The following FAM107B variants were observed in gnomAD, a reference collection of about 807,000 sequenced individuals.
FAM107B encodes protein FAM107B.
In FAM107B, 21 loss-of-function variants were observed where a neutral mutation model predicts 31.5. The ratio of observed to expected loss-of-function variants is 0.67; its 90% CI spans 0.47 to 0.96. The LOEUF is 0.96. Among genes scored for constraint, FAM107B ranks in the 40% least tolerant of loss-of-function variants. FAM107B has a pLI of 0.00. For missense variants in FAM107B, 452 were observed against 377.1 expected, an observed-to-expected ratio of 1.20 and a Z score of -1.64; for synonymous variants, 157 against 141.5, an observed-to-expected ratio of 1.11 and a Z score of -0.78.
chr10:14,654,199 G>T (rs182436001), intron 2 of FAM107B, among the ~76,000 whole-genome samples: 5 of 150,860 alleles, frequency 3.3e-5, no homozygotes, highest in Admixed American at 6.6e-5. Flanking sequence ...ATTTTTACAT[G>T]AAATTTTCCA....
At chr10:14,554,273 G>C (rs112331371) in intron 2 of FAM107B, 9,682 of 384,204 alleles carry the variant, frequency 0.025, 181 homozygotes, top group East Asian at 0.087. Context: ...AGCACTGCAG[G>C]CATGAGAAAC....
intron 2 of FAM107B, among the ~76,000 whole-genome samples, chr10:14,568,892 G>C (rs899549870): frequency 3.9e-5 from 6 of 152,124 alleles, no homozygotes; most frequent in African/African-American, 1.4e-4. Context: ...CTAAATCCCA[G>C]AATCGTCGGC....
intron 1 of FAM107B, among the ~76,000 whole-genome samples, chr10:14,742,186 A>G (rs989781476): frequency 6.6e-6 from 1 of 152,096 alleles, no homozygotes; most frequent in African/African-American, 2.4e-5. Flanking sequence ...ATCATGACCC[A>G]ACTCACTGTA....
intron 1 of FAM107B, among the ~76,000 whole-genome samples, chr10:14,686,367 C>T (rs78760009): frequency 0.088 from 12,867 of 145,834 alleles, 667 homozygotes; most frequent in East Asian, 0.21. Context: ...CCAGCCTAGG[C>T]GACAGAGCAA....
chr10:14,580,527 T>A (rs113926052), intron 2 of FAM107B, among the ~76,000 whole-genome samples: 1 of 151,582 alleles, frequency 6.6e-6, no homozygotes. Context: ...GAAAAAAAAA[T>A]AAGTATCCAT....
chr10:14,578,891 T>C (rs377188304), intron 2 of FAM107B, among the ~76,000 whole-genome samples: 1 of 152,212 alleles, frequency 6.6e-6, no homozygotes, highest in African/African-American at 2.4e-5. Flanking sequence ...CTACCCCAAG[T>C]ACTGATTACT....
chr10:14,639,737 CCATGACCT>C (rs1853586517), intron 2 of FAM107B, among the ~76,000 whole-genome samples: 1 of 152,148 alleles, frequency 6.6e-6, no homozygotes, highest in Non-Finnish European at 1.5e-5. Flanking sequence ...TTGGAGCCCT[CCATGACCT>C]CATTTACTCT....
chr10:14,599,814 G>A (rs1414365892), intron 2 of FAM107B, among the ~76,000 whole-genome samples: 13 of 148,308 alleles, frequency 8.8e-5, no homozygotes, highest in Admixed American at 3.4e-4. Flanking sequence ...CAGTGCCAGC[G>A]TGTACCCTGC....
At chr10:14,558,356 A>G (rs1269486152) in intron 2 of FAM107B, among the ~76,000 whole-genome samples, 1 of 152,218 alleles carries the variant, frequency 6.6e-6, no homozygotes, top group Non-Finnish European at 1.5e-5. Context: ...CTTTCAGAAG[A>G]CTCAGGGTAA....
intron 2 of FAM107B, among the ~76,000 whole-genome samples, chr10:14,624,704 G>A (rs1853110417): frequency 6.6e-6 from 1 of 152,128 alleles, no homozygotes; most frequent in Non-Finnish European, 1.5e-5. Context: ...TCGTATTTGA[G>A]CATAACAAGC....
intron 2 of FAM107B, among the ~76,000 whole-genome samples, chr10:14,593,713 T>C (rs1852091783): frequency 6.6e-6 from 1 of 150,400 alleles, no homozygotes; most frequent in South Asian, 2.1e-4. Flanking sequence ...AAAAAGAAAA[T>C]TATTGCTTAT....
In FAM107B at chr10:14,520,950, GA is replaced by G; in HGVS notation, c.*239del. Reference sequence around the variant, plus strand: ...TGCTTGTTGGTTCTGTTAAGTCTCTGAACACAGGTCCATCATTCCAACTTAC... The same window carrying G: ...TGCTTGTTGGTTCTGTTAAGTCTCTGACACAGGTCCATCATTCCAACTTAC... On this transcript the variant is annotated 3_prime_UTR_variant, in exon 5 of 5. Coordinates refer to ENST00000181796, the MANE Select transcript of FAM107B (RefSeq NM_031453.4). 4.5e-6 allele frequency: 2 copies of G among 440,474 alleles called. No individual in the cohort carries two copies. The highest frequency in any genetic ancestry group is 8.0e-6 in the Non-Finnish European group (2 of 250,346). 27.3% of individuals were successfully genotyped at this position (440,474 alleles called of 1,614,324 possible).
At chr10:14,759,164 G>C (rs112257114) in intron 1 of FAM107B, among the ~76,000 whole-genome samples, 46 of 148,854 alleles carry the variant, frequency 3.1e-4, no homozygotes, top group African/African-American at 1.1e-3. Flanking sequence ...GGCAACAAGA[G>C]TGAAACTCTG....
chr10:14,631,839 C>T (rs145555523), intron 2 of FAM107B, among the ~76,000 whole-genome samples: 194 of 152,300 alleles, frequency 1.3e-3, no homozygotes, highest in Non-Finnish European at 2.0e-3. Context: ...AAATCTGTGA[C>T]CCTCTGTCAC....
intron 1 of FAM107B, among the ~76,000 whole-genome samples, chr10:14,744,547 T>A (rs1832687574): frequency 6.6e-6 from 1 of 152,242 alleles, no homozygotes; most frequent in South Asian, 2.1e-4. Context: ...TGAGAGTTTT[T>A]AACATGAAGA....
At chr10:14,565,292 G>A (rs538366474) in intron 2 of FAM107B, among the ~76,000 whole-genome samples, 3 of 152,148 alleles carry the variant, frequency 2.0e-5, no homozygotes, top group Non-Finnish European at 4.4e-5. Flanking sequence ...AGAGGAAGCC[G>A]AGGTCACCAT....
chr10:14,587,312 T>G (rs1349129724), intron 2 of FAM107B, among the ~76,000 whole-genome samples: 3 of 152,234 alleles, frequency 2.0e-5, no homozygotes, highest in Admixed American at 2.0e-4. Flanking sequence ...ATGCAGGTAC[T>G]CATGTATTTA....
At chr10:14,614,275 C>G (rs865816932) in intron 2 of FAM107B, among the ~76,000 whole-genome samples, 9 of 152,220 alleles carry the variant, frequency 5.9e-5, no homozygotes, top group Non-Finnish European at 7.4e-5. Context: ...GTGTGTGATA[C>G]TGAAAGCCAG....
chr10:14,698,537 T>TTA (rs1271354055), intron 1 of FAM107B, among the ~76,000 whole-genome samples: 55 of 152,240 alleles, frequency 3.6e-4, no homozygotes, highest in Non-Finnish European at 1.5e-5. Flanking sequence ...TTCATGTATA[T>TTA]TATCTCATGT....
Sources: gnomAD v4.1 joint callset for allele counts (sites outside exome capture counted in the v4.1 genomes callset) on GRCh38, gnomAD v4.1.1 for gene constraint, MANE v1.5 for transcripts, NCBI Gene and HGNC (gene_info 2026-07-23, HGNC 2026-07-21) for gene names.